The following PEMT variants were observed in gnomAD, a reference collection of about 807,000 sequenced individuals.
PEMT encodes the protein phosphatidylethanolamine N-methyltransferase.
A neutral mutation model predicts 27.4 loss-of-function variants in PEMT; 23 were observed. That is an observed-to-expected ratio of 0.84 (90% CI 0.60 to 1.19). The LOEUF is 1.19. PEMT is among the 50% of genes most tolerant of loss of function. The pLI is 0.00. For synonymous variants in PEMT, 137 were observed against 139.1 expected (o/e 0.98, Z 0.11); for missense variants, 307 against 310.1 (o/e 0.99, Z 0.07).
chr17:17,545,265 C>T lies in PEMT; in HGVS notation c.205-22870G>A, dbSNP rs144513892. Reference sequence around the variant, plus strand: ...GTATAAGGACAAAGGACAAACACACCTTGAAGCCCCTCACCGTCCTGGCGT... The same window carrying T: ...GTATAAGGACAAAGGACAAACACACTTTGAAGCCCCTCACCGTCCTGGCGT... On this transcript the variant is annotated intron_variant, in intron 2 of 6. Transcript: ENST00000255389. 2.6e-3 allele frequency among the ~76,000 whole-genome samples: 395 copies of T among 152,320 alleles called. 4 individuals carry two copies. Among genetic ancestry groups the T allele is most frequent in the African/African-American group, 8.7e-3 (361 of 41,564 alleles).
In PEMT at chr17:17,576,948, ATGGTGATGAC is replaced by A. The variant is rs1404711100; in HGVS notation, c.166_175del (p.Val56SerfsTer21). The stretch of plus-strand genomic sequence containing the variant: ...ATTCCAGTAGAGCGGATTGAAGGTG[ATGGTGATGAC>A]GGCAGCCACAAAGCTGGGATCCAGG... On this transcript the variant is annotated frameshift_variant, in exon 2 of 7. Coordinates refer to ENST00000255389, the MANE Select transcript of PEMT (RefSeq NM_148172.3). LOFTEE classifies it high-confidence loss of function. The A allele has an allele frequency of 3.1e-6, 5 of 1,613,856 alleles. No individual in the cohort carries two copies. The highest frequency in any genetic ancestry group is 4.2e-6 in the Non-Finnish European group (5 of 1,179,910).
chr17:17,534,562 C>G (rs964963988), intron 2 of PEMT, among the ~76,000 whole-genome samples: 1 of 152,236 alleles, frequency 6.6e-6, no homozygotes, highest in African/African-American at 2.4e-5. Context: ...GGCACAGCGG[C>G]TCTTGCCTGT....
chr17:17,545,593 C>G (rs533398568), intron 2 of PEMT, among the ~76,000 whole-genome samples: 6 of 152,364 alleles, frequency 3.9e-5, no homozygotes, highest in Non-Finnish European at 2.9e-5. Flanking sequence ...CAGAGACGGC[C>G]TCCTCTGCTC....
At chr17:17,557,119 TC>T (rs1009736562) in intron 2 of PEMT, among the ~76,000 whole-genome samples, 4 of 152,112 alleles carry the variant, frequency 2.6e-5, no homozygotes, top group Non-Finnish European at 5.9e-5. Context: ...CCCTGGCTTT[TC>T]CCCCGGAGCC....
intron 1 of PEMT, 194 bp downstream of exon 1, chr17:17,591,337 G>A (rs1444270092): frequency 1.8e-5 from 10 of 557,680 alleles, no homozygotes; most frequent in Non-Finnish European, 3.2e-5. Flanking sequence ...GTTTACACGC[G>A]CGCGCACACG....
In PEMT at chr17:17,558,189, A is replaced by AACAC. The variant is rs59657645; in HGVS notation, c.204+18727_204+18730dup. Among the ~76,000 whole-genome samples the AACAC allele has an allele frequency of 6.7e-3, 1,011 of 150,194 alleles. 10 individuals carry two copies. The highest frequency in any genetic ancestry group is 0.055 in the East Asian group (283 of 5,100). ...AGACTCCCGTCTCCACACACATACA[A>AACAC]ACACACACACACACACACACAAATT... On this transcript the variant is annotated intron_variant, in intron 2 of 6. Transcript: ENST00000255389.
chr17:17,580,682 T>A (rs1308190281), intron 1 of PEMT, among the ~76,000 whole-genome samples: 1 of 151,976 alleles, frequency 6.6e-6, no homozygotes, highest in Non-Finnish European at 1.5e-5. Flanking sequence ...TTTTCACCCA[T>A]CCCTCCCACT....
rs548925516 is a variant in PEMT at position 17,555,214 on chromosome 17, C to T, written c.204+21706G>A. Among the ~76,000 whole-genome samples, 187 of 152,232 alleles carry T rather than the reference C, an allele frequency of 1.2e-3. 3 individuals carry two copies. Among genetic ancestry groups the T allele is most frequent in the East Asian group, 9.3e-3 (48 of 5,176 alleles). On this transcript the variant is annotated intron_variant, in intron 2 of 6. Coordinates refer to ENST00000255389, the MANE Select transcript of PEMT (RefSeq NM_148172.3). Reference sequence around the variant, plus strand: ...CCAGCTGGGAAGCCATGGAGCTCTGCAGAGCACTGTACCCACCCCCAAGAA... The same window carrying T: ...CCAGCTGGGAAGCCATGGAGCTCTGTAGAGCACTGTACCCACCCCCAAGAA...
At position 17,523,710 on chromosome 17, in the gene PEMT, G is replaced by A. The variant is rs1462432140; in HGVS notation, c.205-1315C>T. ...GCTGCAGGGGTGAGGAGGGGGCTGC[G>A]GTGACCTTGCTGGGAATGTGTGGGG... On this transcript the variant is annotated intron_variant, in intron 2 of 6. Transcript: ENST00000255389. This position sits in a 1 kb window ranked among gnomAD's most constrained non-coding sequence, Gnocchi z 4.8. Among the ~76,000 whole-genome samples the A allele has an allele frequency of 1.3e-5, 2 of 152,088 alleles. No individual in the cohort carries two copies. Among genetic ancestry groups the A allele is most frequent in the Non-Finnish European group, 2.9e-5 (2 of 68,020 alleles).
chr17:17,549,029 T>C (rs1423893125), intron 2 of PEMT, among the ~76,000 whole-genome samples: 1 of 152,104 alleles, frequency 6.6e-6, no homozygotes, highest in Non-Finnish European at 1.5e-5. Flanking sequence ...AATTCTTTTT[T>C]TTTTTGAGAC....
At chr17:17,578,571 C>T (rs914060477) in intron 1 of PEMT, 4 of 152,086 alleles carry the variant, frequency 2.6e-5, no homozygotes, top group African/African-American at 9.7e-5. Context: ...ATTATGGTGT[C>T]TCTCCACATG....
intron 2 of PEMT, among the ~76,000 whole-genome samples, chr17:17,544,872 G>A (rs1909141307): frequency 6.6e-6 from 1 of 152,190 alleles, no homozygotes; most frequent in Admixed American, 6.5e-5. Context: ...CCAAACTCCA[G>A]TTTGGAGACT....
At chr17:17,576,207 T>G (rs1392265268) in intron 2 of PEMT, among the ~76,000 whole-genome samples, 1 of 151,820 alleles carries the variant, frequency 6.6e-6, no homozygotes, top group African/African-American at 2.4e-5. Context: ...CTGGGAGGTG[T>G]GGGAGGCATC....
intron 2 of PEMT, among the ~76,000 whole-genome samples, chr17:17,553,917 G>A (rs1305741742): frequency 6.6e-6 from 1 of 152,168 alleles, no homozygotes; most frequent in Non-Finnish European, 1.5e-5. Context: ...CTCCCTCCCC[G>A]CTGCCCGGCA....
intron 2 of PEMT, among the ~76,000 whole-genome samples, chr17:17,576,644 C>T (rs1274267848): frequency 1.3e-5 from 2 of 152,204 alleles, no homozygotes; most frequent in African/African-American, 2.4e-5. Flanking sequence ...ACCATGGCAG[C>T]GTTCTCCTGC....
Position 17,559,540 on chromosome 17 carries a change from T to C in PEMT, c.204+17380A>G, listed in dbSNP as rs573904929. Among the ~76,000 whole-genome samples the C allele has an allele frequency of 1.9e-4, 29 of 152,332 alleles. No homozygotes were observed. The South Asian group carries it at 6.0e-3, about 32-fold the overall frequency. On this transcript the variant is annotated intron_variant, in intron 2 of 6. Transcript: ENST00000255389. ...CAGAGGCAGTCCAGCACTGAGCTCC[T>C]TGAAACGGGCCTGTGAGTCCTCAGA...
intron 6 of PEMT, 76 bp from the exon 7 acceptor site, chr17:17,505,924 C>T: frequency 6.6e-7 from 1 of 1,509,034 alleles, no homozygotes. Flanking sequence ...GCTCTGCGTC[C>T]ATCAGCTTGA....
Position 17,505,740 on chromosome 17 carries a change from G to C in PEMT, c.*51C>G. 2 of 1,546,088 alleles carry C rather than the reference G, an allele frequency of 1.3e-6. No homozygotes were observed. Among genetic ancestry groups the C allele is most frequent in the South Asian group, 2.4e-5 (2 of 82,008 alleles). ...TCGCCCTGCGCAGGGCCTGCCACTT[G>C]GGGCAGGCCAGGAGGCTGGCCAGGC... On this transcript the variant is annotated 3_prime_UTR_variant, in exon 7 of 7. Coordinates refer to ENST00000255389, the MANE Select transcript of PEMT (RefSeq NM_148172.3).
chr17:17,519,285 C>T (rs1025093336), intron 3 of PEMT, among the ~76,000 whole-genome samples: 8 of 152,068 alleles, frequency 5.3e-5, no homozygotes, highest in Non-Finnish European at 1.2e-4. Flanking sequence ...CACACCTCTG[C>T]CTCTGAACAC....
Sources: gnomAD v4.1 joint callset for allele counts (sites outside exome capture counted in the v4.1 genomes callset) on GRCh38, gnomAD v4.1.1 for gene constraint, Gnocchi (gnomAD v3.1) non-coding constraint, MANE v1.5 for transcripts, NCBI Gene and HGNC (gene_info 2026-07-23, HGNC 2026-07-21) for gene names.